CROCC2: variants seen among roughly 807,000 people sequenced by gnomAD.
CROCC2 encodes ciliary rootlet coiled-coil protein 2.
Under a neutral mutation model 177.6 loss-of-function variants are expected in CROCC2, and 163 were observed. The observed-to-expected ratio is 0.92, with a 90% CI of 0.81 to 1.05. The LOEUF (loss-of-function observed/expected upper bound fraction) is 1.05. Among genes scored for constraint, CROCC2 ranks in the 50% least tolerant of loss-of-function variants. The pLI is 0.00. For missense variants in CROCC2, 1,929 were observed against 1,797.8 expected, an observed-to-expected ratio of 1.07 and a Z score of -1.32; for synonymous variants, 904 against 787.3, an observed-to-expected ratio of 1.15 and a Z score of -2.48.
intron 14 of CROCC2, among the ~76,000 whole-genome samples, chr2:240,941,953 C>T (rs2059497293): frequency 6.6e-6 from 1 of 152,186 alleles, no homozygotes; most frequent in South Asian, 2.1e-4. Flanking sequence ...CTTATGCCTT[C>T]CACCATGTGA....
At chr2:240,975,431 A>G (rs998070005) in intron 27 of CROCC2, among the ~76,000 whole-genome samples, 1 of 152,160 alleles carries the variant, frequency 6.6e-6, no homozygotes, top group African/African-American at 2.4e-5. Flanking sequence ...GTGCAGGGAG[A>G]CCAGGGGATA....
chr2:240,909,985 A>G lies in CROCC2; in HGVS notation c.78+3394A>G, dbSNP rs191895637. Among the ~76,000 whole-genome samples the G allele has an allele frequency of 1.2e-4, 18 of 152,126 alleles. No homozygotes were observed. In the East Asian group the frequency reaches 3.1e-3, roughly 26 times the overall value. On this transcript the variant is annotated intron_variant, in intron 1 of 31. Transcript: ENST00000690015. ...TGGTGGCTCTGGACGGATGGCGAAC[A>G]TGCTCCCAGGCCCGGAGAAGCCTCT...
intron 30 of CROCC2, 134 bp downstream of exon 30, chr2:240,989,967 C>A: frequency 1.2e-6 from 1 of 812,544 alleles, no homozygotes; most frequent in Non-Finnish European, 1.9e-6. Context: ...ACCCAGTGGG[C>A]TCCAGACCTG....
chr2:240,986,245 G>A (rs1302770906), intron 28 of CROCC2, among the ~76,000 whole-genome samples: 1 of 152,160 alleles, frequency 6.6e-6, no homozygotes, highest in Non-Finnish European at 1.5e-5. Context: ...AGTCCTGGTG[G>A]CCTGAGGCCA....
chr2:240,911,647 A>C (rs1327002004), intron 1 of CROCC2, among the ~76,000 whole-genome samples: 3 of 148,936 alleles, frequency 2.0e-5, no homozygotes, highest in African/African-American at 5.0e-5. Flanking sequence ...TTCAACATTC[A>C]CGCCCCATTC....
intron 8 of CROCC2, 125 bp downstream of exon 8, chr2:240,932,539 G>T (rs12472087): frequency 0.43 from 298,021 of 693,972 alleles, 66,854 homozygotes; most frequent in Admixed American, 0.51. Flanking sequence ...GGTCCCTGCA[G>T]TGCACTTTGA....
chr2:240,910,046 C>T (rs959602383), intron 1 of CROCC2, among the ~76,000 whole-genome samples: 2 of 152,144 alleles, frequency 1.3e-5, no homozygotes, highest in African/African-American at 4.8e-5. Flanking sequence ...AGCTGCTCTC[C>T]CCTCCTTTGG....
chr2:240,961,936 CAT>C (rs1293676726), intron 20 of CROCC2, among the ~76,000 whole-genome samples: 2 of 150,950 alleles, frequency 1.3e-5, no homozygotes, highest in Admixed American at 6.6e-5. Flanking sequence ...CGTGCACACA[CAT>C]GCATGCACAC....
At chr2:240,944,280 T>A (rs2059510851) in intron 14 of CROCC2, among the ~76,000 whole-genome samples, 1 of 152,274 alleles carries the variant, frequency 6.6e-6, no homozygotes, top group South Asian at 2.1e-4. Context: ...TACTAAGTTG[T>A]ATATATGTGA....
intron 31 of CROCC2, 137 bp from the exon 32 acceptor site, chr2:240,992,929 G>A (rs990367148): frequency 1.6e-6 from 1 of 622,068 alleles, no homozygotes; most frequent in Non-Finnish European, 3.0e-6. Flanking sequence ...GGCCAGGGCG[G>A]GAGGGAGGAA....
chr2:240,945,787 C>T (rs2059520122), intron 14 of CROCC2, among the ~76,000 whole-genome samples: 1 of 152,044 alleles, frequency 6.6e-6, no homozygotes, highest in Non-Finnish European at 1.5e-5. Context: ...GGAGGACCAA[C>T]AAATGGTACC....
chr2:240,949,240 T>G lies in CROCC2; in HGVS notation c.2482+143T>G. ...AACATGAGCTTGGAGCTCATGCGACTGAGCGACTTGGGCCACCCTCGCCCA... is the reference window on the plus strand; with the variant it reads ...AACATGAGCTTGGAGCTCATGCGACGGAGCGACTTGGGCCACCCTCGCCCA... On this transcript the variant is annotated intron_variant, in intron 16 of 31. Transcript: ENST00000690015. This position sits in a 1 kb window ranked among gnomAD's most constrained non-coding sequence, Gnocchi z 4.5. 10 of 1,424,108 alleles carry G rather than the reference T, an allele frequency of 7.0e-6. No homozygotes were observed. The highest frequency in any genetic ancestry group is 9.2e-6 in the Non-Finnish European group (10 of 1,089,194). 88.2% of individuals were successfully genotyped at this position (1,424,108 alleles called of 1,614,324 possible).
chr2:240,916,736 G>A (rs2059324010), intron 1 of CROCC2, among the ~76,000 whole-genome samples: 2 of 152,246 alleles, frequency 1.3e-5, no homozygotes, highest in Non-Finnish European at 2.9e-5. Context: ...CGCCGCCGAT[G>A]CCCGGGGGAG....
rs1225300941 is a variant in CROCC2 at position 240,958,733 on chromosome 2, G to A, written c.2944-568G>A. 2 of 304,836 alleles carry A rather than the reference G, an allele frequency of 6.6e-6. No homozygotes were observed. The highest frequency in any genetic ancestry group is 4.8e-6 in the Non-Finnish European group (1 of 207,596). The allele number at this position is 304,836 out of a possible 1,614,324, so 18.9% of individuals were successfully genotyped here. The stretch of plus-strand genomic sequence containing the variant: ...CCTGAGCCCCATCTGCCCTGCTGCC[G>A]CAACCTGGGCAGGGGTGCAGTGGGG... On this transcript the variant is annotated intron_variant, in intron 19 of 31. Transcript: ENST00000690015. The surrounding 1 kb of genome is among the most constrained non-coding windows in gnomAD (Gnocchi z 6.7).
chr2:240,964,535 G>A lies in CROCC2; in HGVS notation c.3375G>A (p.Gln1125=), dbSNP rs1277579727. The change falls in exon 22 of 32, where the codon CAG becomes CAA. Residue 1125 remains glutamine (Q), a synonymous_variant. Transcript: ENST00000690015. The part of the protein sequence containing the change: ...LILEEAQAAL[Q]QEASALRAHL... Reference sequence around the variant, plus strand: ...TGGAGGAGGCCCAGGCGGCGTTGCAGCAGGAGGCCAGTGCACTGCGGGCCC... The same window carrying A: ...TGGAGGAGGCCCAGGCGGCGTTGCAACAGGAGGCCAGTGCACTGCGGGCCC... 3 of 1,549,506 alleles carry A rather than the reference G, an allele frequency of 1.9e-6. No individual in the cohort carries two copies. Among genetic ancestry groups the A allele is most frequent in the African/African-American group, 2.7e-5 (2 of 73,142 alleles).
At position 240,949,183 on chromosome 2, in the gene CROCC2, T is replaced by C; in HGVS notation, c.2482+86T>C. 1 of 1,451,960 alleles carries C rather than the reference T, an allele frequency of 6.9e-7. No individual in the cohort carries two copies. Among genetic ancestry groups the C allele is most frequent in the South Asian group, 1.5e-5 (1 of 68,224 alleles). The allele number at this position is 1,451,960 out of a possible 1,614,324, so 89.9% of individuals were successfully genotyped here. A position where few individuals can be genotyped will look rare whatever the true frequency, so the allele number is the denominator to read the frequency against. ...AATGGAGCTCAGTGCCCACACGTGC[T>C]GCACCCCCTCTCCGGAGCCCACAGG... is the stretch of plus-strand genomic sequence containing the variant. On this transcript the variant is annotated intron_variant, in intron 16 of 31. Coordinates refer to ENST00000690015, the MANE Select transcript of CROCC2 (RefSeq NM_001351305.2). This position sits in a 1 kb window ranked among gnomAD's most constrained non-coding sequence, Gnocchi z 4.5.
At chr2:240,959,256 G>A in intron 19 of CROCC2, 45 bp from the exon 20 acceptor site, 2 of 1,542,448 alleles carry the variant, frequency 1.3e-6, no homozygotes, top group Middle Eastern at 1.9e-4. Flanking sequence ...CTCCACTGCT[G>A]GGCCCAGCTC....
At chr2:240,969,759 C>CT (rs1388533667) in intron 27 of CROCC2, among the ~76,000 whole-genome samples, 4 of 152,186 alleles carry the variant, frequency 2.6e-5, no homozygotes, top group African/African-American at 9.7e-5. Context: ...GAGATGGAGT[C>CT]TCATTCTGTC....
At chr2:240,932,973 T>C (rs572329461) in intron 9 of CROCC2, 65 bp downstream of exon 9, 2 of 1,524,620 alleles carry the variant, frequency 1.3e-6, no homozygotes, top group Non-Finnish European at 1.8e-6. Context: ...CCCCTCAGGC[T>C]GAAGGGTAGT....
Sources: gnomAD v4.1 joint callset for allele counts (sites outside exome capture counted in the v4.1 genomes callset) on GRCh38, gnomAD v4.1.1 for gene constraint, Gnocchi (gnomAD v3.1) non-coding constraint, MANE v1.5 for transcripts, NCBI Gene and HGNC (gene_info 2026-07-23, HGNC 2026-07-21) for gene names.